SSBP2: variants seen among roughly 807,000 people sequenced by gnomAD.
The protein encoded by SSBP2 is single-stranded DNA-binding protein 2.
SSBP2 carries 17 observed loss-of-function variants against 61.8 expected under a neutral mutation model. That is an observed-to-expected ratio of 0.28 (90% CI 0.19 to 0.41). The LOEUF is 0.41. SSBP2 is among the 10% of genes least tolerant of loss of function. The pLI is 1.00. For missense variants in SSBP2, 310 were observed against 458.7 expected (o/e 0.68, Z 2.96); for synonymous variants, 139 against 141.3 (o/e 0.98, Z 0.12).
At chr5:81,587,460 G>A (rs1481358896) in intron 4 of SSBP2, among the ~76,000 whole-genome samples, 2 of 152,144 alleles carry the variant, frequency 1.3e-5, no homozygotes, top group Non-Finnish European at 2.9e-5. Flanking sequence ...GGTTGGGCAC[G>A]GTGGTTCACG....
chr5:81,692,499 A>T (rs1431414830), intron 1 of SSBP2, among the ~76,000 whole-genome samples: 3 of 152,218 alleles, frequency 2.0e-5, no homozygotes, highest in Non-Finnish European at 2.9e-5. Flanking sequence ...ACAGAAATAG[A>T]GAACATTCCT....
At chr5:81,603,686 T>C (rs573788331) in intron 4 of SSBP2, among the ~76,000 whole-genome samples, 1 of 152,276 alleles carries the variant, frequency 6.6e-6, no homozygotes, top group South Asian at 2.1e-4. Flanking sequence ...ATAAAAAGAA[T>C]GTACTAAAAT....
rs546541151 is a variant in SSBP2 at position 81,640,715 on chromosome 5, A to C, written c.136-4097T>G. 2.0e-5 allele frequency among the ~76,000 whole-genome samples: 3 copies of C among 151,954 alleles called. No individual in the cohort carries two copies. In the South Asian group the frequency reaches 6.3e-4, roughly 32 times the overall value. On this transcript the variant is annotated intron_variant, in intron 2 of 16. Coordinates refer to ENST00000320672, the MANE Select transcript of SSBP2 (RefSeq NM_012446.5). ...TCAAAAACTCTGATGTCCTGCTAAA[A>C]TTATAATTTAGTCAAAAACCTACGT...
chr5:81,511,483 T>C (rs913198585), intron 5 of SSBP2, among the ~76,000 whole-genome samples: 1 of 152,220 alleles, frequency 6.6e-6, no homozygotes, highest in Non-Finnish European at 1.5e-5. Context: ...TTCAATTTTA[T>C]GTCTTGGAAC....
intron 4 of SSBP2, among the ~76,000 whole-genome samples, chr5:81,591,219 ATATC>A (rs1481845590): frequency 1.3e-5 from 2 of 152,220 alleles, no homozygotes; most frequent in Non-Finnish European, 1.5e-5. Context: ...TGGTACACTG[ATATC>A]AGAGCACAAA....
At chr5:81,694,842 G>A (rs887806327) in intron 1 of SSBP2, among the ~76,000 whole-genome samples, 1 of 152,064 alleles carries the variant, frequency 6.6e-6, no homozygotes, top group Non-Finnish European at 1.5e-5. Flanking sequence ...AGCTGGGCAT[G>A]GTACATTCCT....
chr5:81,562,589 C>T (rs956676235), intron 4 of SSBP2, among the ~76,000 whole-genome samples: 1 of 152,070 alleles, frequency 6.6e-6, no homozygotes, highest in Non-Finnish European at 1.5e-5. Flanking sequence ...CAATCCATGT[C>T]CTAAGGAACA....
intron 4 of SSBP2, among the ~76,000 whole-genome samples, chr5:81,568,596 T>C (rs1773614620): frequency 6.6e-6 from 1 of 152,216 alleles, no homozygotes; most frequent in Non-Finnish European, 1.5e-5. Context: ...CTCCAAAACA[T>C]ATGCTGTTAT....
chr5:81,556,316 C>T (rs1307773749), intron 4 of SSBP2, among the ~76,000 whole-genome samples: 7 of 151,982 alleles, frequency 4.6e-5, no homozygotes, highest in Non-Finnish European at 7.4e-5. Flanking sequence ...CCATGTTTTA[C>T]GGGTACCAGA....
intron 5 of SSBP2, among the ~76,000 whole-genome samples, chr5:81,495,049 C>A (rs1767178879): frequency 6.6e-6 from 1 of 152,118 alleles, no homozygotes; most frequent in Admixed American, 6.5e-5. Context: ...TTTCTGCTAG[C>A]ACAAAAGCAG....
chr5:81,681,247 C>T (rs189402045), intron 1 of SSBP2, among the ~76,000 whole-genome samples: 14 of 151,954 alleles, frequency 9.2e-5, no homozygotes, highest in African/African-American at 2.4e-4. Context: ...TGGTCAGGCG[C>T]GGTGGCTCAT....
chr5:81,689,362 C>T (rs2153831394), intron 1 of SSBP2, among the ~76,000 whole-genome samples: 1 of 152,012 alleles, frequency 6.6e-6, no homozygotes, highest in South Asian at 2.1e-4. Context: ...TATTTAAGTA[C>T]AATAAAGTTA....
At chr5:81,664,509 C>T (rs1037842789) in intron 1 of SSBP2, among the ~76,000 whole-genome samples, 11 of 152,176 alleles carry the variant, frequency 7.2e-5, no homozygotes, top group Non-Finnish European at 1.5e-4. Flanking sequence ...TAATGACTCT[C>T]TCAGACCACA....
intron 1 of SSBP2, among the ~76,000 whole-genome samples, chr5:81,688,809 C>T (rs1039115156): frequency 3.3e-5 from 5 of 152,056 alleles, no homozygotes; most frequent in Admixed American, 6.5e-5. Context: ...CTTCAATGCT[C>T]GAACACTGAT....
chr5:81,514,416 T>C lies in SSBP2; in HGVS notation c.283-699A>G, dbSNP rs187046855. Reference sequence around the variant, plus strand: ...CATGGAATCCTGGTATTTCATAAAATAGGAGTATGAAAAACTTTGGGTTGG... The same window carrying C: ...CATGGAATCCTGGTATTTCATAAAACAGGAGTATGAAAAACTTTGGGTTGG... On this transcript the variant is annotated intron_variant, in intron 4 of 16. Coordinates refer to ENST00000320672, the MANE Select transcript of SSBP2 (RefSeq NM_012446.5). Among the ~76,000 whole-genome samples, 39 of 152,254 alleles carry C rather than the reference T, an allele frequency of 2.6e-4. No homozygotes were observed. The East Asian group carries it at 6.9e-3, about 27-fold the overall frequency.
intron 4 of SSBP2, among the ~76,000 whole-genome samples, chr5:81,559,384 CAAAAA>C (rs36034616): frequency 1.0e-5 from 1 of 95,982 alleles, no homozygotes; most frequent in Admixed American, 1.1e-4. Flanking sequence ...GAGATTTCAT[CAAAAA>C]AAAAAAAAAA....
At chr5:81,501,983 T>A (rs1295439897) in intron 5 of SSBP2, among the ~76,000 whole-genome samples, 3 of 152,158 alleles carry the variant, frequency 2.0e-5, no homozygotes, top group Non-Finnish European at 4.4e-5. Context: ...CAAAATAGTT[T>A]GTAAGAGCCA....
At chr5:81,452,323 C>T (rs747880821) in intron 10 of SSBP2, among the ~76,000 whole-genome samples, 2 of 152,160 alleles carry the variant, frequency 1.3e-5, no homozygotes, top group Non-Finnish European at 2.9e-5. Flanking sequence ...GACAGAGCCT[C>T]ACTTTTTTCT....
At chr5:81,627,488 T>C (rs1418230479) in intron 3 of SSBP2, among the ~76,000 whole-genome samples, 4 of 152,184 alleles carry the variant, frequency 2.6e-5, no homozygotes, top group African/African-American at 9.7e-5. Context: ...TATTATACCA[T>C]TCTAGTGAGC....
Sources: gnomAD v4.1 joint callset for allele counts (sites outside exome capture counted in the v4.1 genomes callset) on GRCh38, gnomAD v4.1.1 for gene constraint, MANE v1.5 for transcripts, NCBI Gene and HGNC (gene_info 2026-07-23, HGNC 2026-07-21) for gene names.